ZNF385D: variants seen among roughly 807,000 people sequenced by gnomAD.
The protein encoded by ZNF385D is zinc finger protein 659.
Under a neutral mutation model 35.8 loss-of-function variants are expected in ZNF385D, and 15 were observed. That is an observed-to-expected ratio of 0.42 (90% CI 0.28 to 0.64). The LOEUF is 0.64. Among genes scored for constraint, ZNF385D ranks in the 30% least tolerant of loss-of-function variants. The pLI is 0.23. For missense variants in ZNF385D, 474 were observed against 494.6 expected (o/e 0.96, Z 0.39); for synonymous variants, 212 against 186.8 (o/e 1.13, Z -1.10).
At chr3:21,899,141 G>A (rs1256245546) in intron 3 of ZNF385D, among the ~76,000 whole-genome samples, 1 of 152,006 alleles carries the variant, frequency 6.6e-6, no homozygotes, top group Admixed American at 6.6e-5. Flanking sequence ...GCAGGAGGGT[G>A]TCCTACTAGC....
At chr3:22,366,098 C>A (rs1390936064) in intron 2 of ZNF385D, among the ~76,000 whole-genome samples, 1 of 151,934 alleles carries the variant, frequency 6.6e-6, no homozygotes, top group Non-Finnish European at 1.5e-5. Context: ...ATATACAGTA[C>A]AATCAATCAG....
chr3:21,731,331 T>G (rs988916351), intron 1 of ZNF385D, among the ~76,000 whole-genome samples: 13 of 152,206 alleles, frequency 8.5e-5, no homozygotes, highest in Non-Finnish European at 1.6e-4. Context: ...TTCATTTTCT[T>G]TTTTTAATAG....
chr3:21,508,002 T>A (rs1201633402), intron 4 of ZNF385D, among the ~76,000 whole-genome samples: 1 of 152,068 alleles, frequency 6.6e-6, no homozygotes, highest in Admixed American at 6.5e-5. Flanking sequence ...ATAACTTGCT[T>A]TTTTGTTTGT....
intron 3 of ZNF385D, among the ~76,000 whole-genome samples, chr3:22,126,484 C>T (rs1703438752): frequency 6.6e-6 from 1 of 151,886 alleles, no homozygotes; most frequent in Non-Finnish European, 1.5e-5. Context: ...TCCATGTGTA[C>T]ACTTTTCAAA....
intron 2 of ZNF385D, among the ~76,000 whole-genome samples, chr3:21,592,014 G>GT (rs1234474681): frequency 1.3e-5 from 2 of 152,126 alleles, no homozygotes; most frequent in Non-Finnish European, 2.9e-5. Flanking sequence ...GTTACTAGCA[G>GT]TGAGATATGT....
intron 3 of ZNF385D, among the ~76,000 whole-genome samples, chr3:22,043,502 A>T (rs374773984): frequency 1.1e-4 from 16 of 152,136 alleles, no homozygotes; most frequent in Admixed American, 5.9e-4. Context: ...ATTTACTTGT[A>T]TATTGGTCAA....
At chr3:21,437,296 T>C in intron 4 of ZNF385D, 93 bp from the exon 5 acceptor site, 1 of 1,223,056 alleles carries the variant, frequency 8.2e-7, no homozygotes, top group South Asian at 1.5e-5. Flanking sequence ...ATTCTGCTTA[T>C]AATGATAAGA....
chr3:22,212,490 G>T (rs374140945), intron 2 of ZNF385D, among the ~76,000 whole-genome samples: 1 of 151,988 alleles, frequency 6.6e-6, no homozygotes, highest in Non-Finnish European at 1.5e-5. Context: ...TTGGAAGCAC[G>T]TTAGCAACGT....
At chr3:22,015,219 A>G (rs1355269974) in intron 3 of ZNF385D, among the ~76,000 whole-genome samples, 2 of 152,176 alleles carry the variant, frequency 1.3e-5, no homozygotes, top group African/African-American at 4.8e-5. Context: ...ATGTCAGCTG[A>G]TGCGTTTTAT....
intron 3 of ZNF385D, among the ~76,000 whole-genome samples, chr3:22,142,852 G>A (rs1040372279): frequency 9.2e-5 from 14 of 151,788 alleles, no homozygotes; most frequent in African/African-American, 2.7e-4. Flanking sequence ...TATCCTCCCC[G>A]GGTTCCAAAA....
chr3:21,511,103 T>A, intron 3 of ZNF385D, 80 bp from the exon 4 acceptor site: 2 of 1,528,566 alleles, frequency 1.3e-6, no homozygotes, highest in Non-Finnish European at 1.8e-6. Context: ...AAATACAGAC[T>A]CCCTTTCAAT....
intron 3 of ZNF385D, among the ~76,000 whole-genome samples, chr3:21,791,396 A>G (rs1208368314): frequency 6.6e-6 from 1 of 152,226 alleles, no homozygotes; most frequent in East Asian, 1.9e-4. Flanking sequence ...ACATTTAACT[A>G]TGAGCAATAG....
chr3:22,093,790 T>C (rs1216971795), intron 3 of ZNF385D, among the ~76,000 whole-genome samples: 1 of 152,160 alleles, frequency 6.6e-6, no homozygotes, highest in Non-Finnish European at 1.5e-5. Flanking sequence ...TTGTTTAGCA[T>C]TAGTTCCATA....
intron 3 of ZNF385D, among the ~76,000 whole-genome samples, chr3:22,132,473 T>G (rs1325386270): frequency 1.3e-5 from 2 of 152,148 alleles, no homozygotes; most frequent in African/African-American, 4.8e-5. Flanking sequence ...ATACACAATT[T>G]AAGCTGAATA....
intron 3 of ZNF385D, among the ~76,000 whole-genome samples, chr3:22,106,537 T>C (rs149830156): frequency 9.2e-5 from 14 of 152,312 alleles, no homozygotes; most frequent in Admixed American, 2.0e-4. Flanking sequence ...GATATGACTT[T>C]AGCTCCTGGG....
intron 2 of ZNF385D, among the ~76,000 whole-genome samples, chr3:22,215,610 A>C (rs573616497): frequency 3.9e-5 from 6 of 152,168 alleles, no homozygotes; most frequent in African/African-American, 1.2e-4. Context: ...AGATGTTATC[A>C]ATGAAAATAC....
chr3:22,211,879 T>C (rs926929924), intron 2 of ZNF385D, among the ~76,000 whole-genome samples: 1 of 151,982 alleles, frequency 6.6e-6, no homozygotes, highest in African/African-American at 2.4e-5. Flanking sequence ...TAAATCTAGT[T>C]TGACTATGTT....
chr3:21,821,591 G>A (rs1410337260), intron 3 of ZNF385D, among the ~76,000 whole-genome samples: 1 of 152,130 alleles, frequency 6.6e-6, no homozygotes, highest in Non-Finnish European at 1.5e-5. Flanking sequence ...AAAATTTATT[G>A]TACTTATGCA....
chr3:22,205,668 T>C (rs977553681), intron 2 of ZNF385D, among the ~76,000 whole-genome samples: 6 of 152,046 alleles, frequency 3.9e-5, no homozygotes, highest in African/African-American at 1.4e-4. Flanking sequence ...TATGCAACAG[T>C]GTTAAGTTGT....
Sources: allele counts gnomAD v4.1 joint callset (sites outside exome capture counted in the v4.1 genomes callset), GRCh38; gene constraint gnomAD v4.1.1; transcripts MANE v1.5; gene names NCBI Gene and HGNC (gene_info 2026-07-23, HGNC 2026-07-21).